The following CCSER1 variants were observed in gnomAD, a reference collection of about 807,000 sequenced individuals.
The protein encoded by CCSER1 is coiled-coil serine rich protein 1.
CCSER1 carries 41 observed loss-of-function variants against 82.0 expected under a neutral mutation model. The observed-to-expected ratio is 0.50, with a 90% CI of 0.39 to 0.65. The LOEUF (loss-of-function observed/expected upper bound fraction) is 0.65. CCSER1 is among the 30% of genes least tolerant of loss of function. The pLI is 0.00. For synonymous variants in CCSER1, 414 were observed against 383.9 expected (o/e 1.08, Z -0.92); for missense variants, 1,119 against 1,064.2 (o/e 1.05, Z -0.72).
intron 6 of CCSER1, among the ~76,000 whole-genome samples, chr4:90,653,490 T>C (rs1729156504): frequency 6.6e-6 from 1 of 152,076 alleles, no homozygotes; most frequent in Non-Finnish European, 1.5e-5. Flanking sequence ...TGAGATAAAT[T>C]AATTAAAATT....
chr4:90,252,078 G>A (rs150531475), intron 1 of CCSER1, among the ~76,000 whole-genome samples: 247 of 151,936 alleles, frequency 1.6e-3, no homozygotes, highest in African/African-American at 5.7e-3. Context: ...TTAAATACAG[G>A]TTGAGTATCC....
chr4:91,313,520 T>G (rs1275431201), intron 10 of CCSER1, among the ~76,000 whole-genome samples: 4 of 151,972 alleles, frequency 2.6e-5, no homozygotes, highest in Non-Finnish European at 5.9e-5. Context: ...AGTCACATCT[T>G]TCTCGGTTGA....
chr4:90,958,912 G>A (rs988397187), intron 9 of CCSER1, among the ~76,000 whole-genome samples: 2 of 152,090 alleles, frequency 1.3e-5, no homozygotes, highest in South Asian at 2.1e-4. Flanking sequence ...CTTGTGTTTA[G>A]ATTATTAGAG....
At position 91,135,029 on chromosome 4, in the gene CCSER1, C is replaced by T. The variant is rs189823415; in HGVS notation, c.2217+49035C>T. On this transcript the variant is annotated intron_variant, in intron 10 of 10. Transcript: ENST00000509176. ...GAGCTGAGATTGCACCACTCCACTC[C>T]AGCCTGGCGACAGAGAGAGACTCTG... is the stretch of plus-strand genomic sequence containing the variant. 4.7e-4 allele frequency among the ~76,000 whole-genome samples: 71 copies of T among 151,782 alleles called. No homozygotes were observed. In the East Asian group the frequency reaches 0.012, roughly 26 times the overall value.
intron 8 of CCSER1, among the ~76,000 whole-genome samples, chr4:90,881,292 G>T (rs1043194028): frequency 1.3e-5 from 2 of 151,662 alleles, no homozygotes; most frequent in Non-Finnish European, 2.9e-5. Flanking sequence ...GAGGAGAGAG[G>T]CAGAGACTGA....
At chr4:90,839,691 C>A (rs1215074209) in intron 8 of CCSER1, among the ~76,000 whole-genome samples, 1 of 152,122 alleles carries the variant, frequency 6.6e-6, no homozygotes, top group African/African-American at 2.4e-5. Flanking sequence ...CATATTTCAT[C>A]CTTTTGCCCA....
In CCSER1 at chr4:90,684,908, G is replaced by A. The variant is rs144063687; in HGVS notation, c.1933-39006G>A. 2.3e-3 allele frequency among the ~76,000 whole-genome samples: 357 copies of A among 152,172 alleles called. 2 individuals carry two copies. The highest frequency in any genetic ancestry group is 3.2e-3 in the Non-Finnish European group (216 of 68,006). On this transcript the variant is annotated intron_variant, in intron 6 of 10. Transcript: ENST00000509176. The stretch of plus-strand genomic sequence containing the variant: ...CGTGACTTGCTCCTCCTTGCCTTCC[G>A]CCATGATTGTGAGGCCTTTCCAGCC...
intron 3 of CCSER1, among the ~76,000 whole-genome samples, chr4:90,365,391 A>G (rs1157373693): frequency 1.3e-5 from 2 of 151,830 alleles, no homozygotes; most frequent in Non-Finnish European, 3.0e-5. Context: ...ATACACATAT[A>G]TACATACATT....
chr4:91,086,699 G>A (rs1252462041), intron 10 of CCSER1, among the ~76,000 whole-genome samples: 2 of 151,990 alleles, frequency 1.3e-5, no homozygotes, highest in Admixed American at 6.6e-5. Context: ...CTATACAAAT[G>A]AGGAAAAAAA....
chr4:91,135,970 A>G (rs748582622), intron 10 of CCSER1, among the ~76,000 whole-genome samples: 7 of 152,198 alleles, frequency 4.6e-5, no homozygotes, highest in Admixed American at 3.9e-4. Context: ...ACATACATAC[A>G]TTATGTTGCC....
intron 9 of CCSER1, among the ~76,000 whole-genome samples, chr4:91,061,195 G>A (rs1399184179): frequency 6.6e-6 from 1 of 151,534 alleles, no homozygotes; most frequent in African/African-American, 2.4e-5. Flanking sequence ...TATCCTTAGG[G>A]ATCATATAGT....
At chr4:90,687,871 T>C (rs1735104468) in intron 6 of CCSER1, among the ~76,000 whole-genome samples, 1 of 152,134 alleles carries the variant, frequency 6.6e-6, no homozygotes, top group Non-Finnish European at 1.5e-5. Context: ...GAAATACTTT[T>C]CTGGAAAACA....
intron 6 of CCSER1, among the ~76,000 whole-genome samples, chr4:90,712,334 T>G (rs1740772317): frequency 6.6e-6 from 1 of 152,028 alleles, no homozygotes; most frequent in Non-Finnish European, 1.5e-5. Context: ...GAGATTCTGG[T>G]ATGTTGTATC....
At chr4:90,688,408 T>A (rs1472839590) in intron 6 of CCSER1, among the ~76,000 whole-genome samples, 1 of 152,152 alleles carries the variant, frequency 6.6e-6, no homozygotes, top group African/African-American at 2.4e-5. Context: ...AACAATTTAA[T>A]AATATATACC....
At chr4:91,158,670 C>T (rs562362874) in intron 10 of CCSER1, among the ~76,000 whole-genome samples, 34 of 151,532 alleles carry the variant, frequency 2.2e-4, no homozygotes, top group African/African-American at 6.0e-4. Flanking sequence ...GACACACAAA[C>T]GTGCAGGCAA....
At chr4:90,997,539 G>T (rs553277920) in intron 9 of CCSER1, among the ~76,000 whole-genome samples, 58 of 152,192 alleles carry the variant, frequency 3.8e-4, no homozygotes, top group African/African-American at 1.4e-3. Flanking sequence ...TTTATTTGGG[G>T]GATAGGAGCA....
At chr4:90,355,802 C>T (rs1744274892) in intron 3 of CCSER1, among the ~76,000 whole-genome samples, 1 of 151,976 alleles carries the variant, frequency 6.6e-6, no homozygotes, top group African/African-American at 2.4e-5. Flanking sequence ...AATATACAGA[C>T]TTCTGCACTT....
chr4:91,087,529 T>C (rs968265226), intron 10 of CCSER1, among the ~76,000 whole-genome samples: 24 of 152,100 alleles, frequency 1.6e-4, no homozygotes, highest in African/African-American at 5.6e-4. Flanking sequence ...TGTGTTTAAA[T>C]TAATTTTAGA....
intron 10 of CCSER1, among the ~76,000 whole-genome samples, chr4:91,429,027 C>T (rs1169210442): frequency 6.6e-6 from 1 of 151,844 alleles, no homozygotes; most frequent in East Asian, 1.9e-4. Context: ...AACATATTAC[C>T]CCTCCAAGGC....
Sources: gnomAD v4.1 joint callset for allele counts (sites outside exome capture counted in the v4.1 genomes callset) on GRCh38, gnomAD v4.1.1 for gene constraint, MANE v1.5 for transcripts, NCBI Gene and HGNC (gene_info 2026-07-23, HGNC 2026-07-21) for gene names.